The following CIT variants were observed in gnomAD, a reference collection of about 807,000 sequenced individuals.
CIT encodes the protein citron rho-interacting serine/threonine kinase.
A neutral mutation model predicts 272.7 loss-of-function variants in CIT; 79 were observed. That is an observed-to-expected ratio of 0.29 (90% CI 0.24 to 0.35). The LOEUF (loss-of-function observed/expected upper bound fraction) is 0.35, where lower values mean the gene tolerates loss of function less well. CIT is among the 10% of genes least tolerant of loss of function. The probability of loss-of-function intolerance (pLI) is 1.00; values close to 1 mark genes in which losing one functional copy is unlikely to be tolerated. For missense variants in CIT, 1,909 were observed against 2,618.3 expected (o/e 0.73, Z 5.91); for synonymous variants, 948 against 995.6 (o/e 0.95, Z 0.90).
At chr12:119,840,768 A>G (rs559668977) in intron 5 of CIT, among the ~76,000 whole-genome samples, 37 of 152,314 alleles carry the variant, frequency 2.4e-4, no homozygotes, top group African/African-American at 8.4e-4. Flanking sequence ...GAGTTTTGAG[A>G]CATGCCTGAA....
chr12:119,737,641 T>A (rs1958850332), intron 24 of CIT, among the ~76,000 whole-genome samples: 1 of 152,210 alleles, frequency 6.6e-6, no homozygotes, highest in Non-Finnish European at 1.5e-5. Context: ...TCTATTTCCC[T>A]GTTGTCATCC....
At position 119,784,606 on chromosome 12, in the gene CIT, G is replaced by C. The variant is rs1283750899; in HGVS notation, c.1401+354C>G. ...AGTGACATAAGCAGGAGTTTTAAAA[G>C]ACTAGGAAGAGAGACTTCGCATCAC... On this transcript the variant is annotated intron_variant, in intron 11 of 47. Transcript: ENST00000392521. This position sits in a 1 kb window ranked among gnomAD's most constrained non-coding sequence, Gnocchi z 4.7. 8.4e-7 allele frequency: 1 copy of C among 1,188,128 alleles called. No homozygotes were observed. Among genetic ancestry groups the C allele is most frequent in the East Asian group, 5.4e-5 (1 of 18,370 alleles). The allele number at this position is 1,188,128 out of a possible 1,614,324, so 73.6% of individuals were successfully genotyped here.
At chr12:119,764,691 T>C (rs569913829) in intron 19 of CIT, among the ~76,000 whole-genome samples, 5 of 150,910 alleles carry the variant, frequency 3.3e-5, no homozygotes, top group African/African-American at 1.2e-4. Flanking sequence ...AATTTGCAAA[T>C]TGGGAAATAT....
chr12:119,821,738 T>C (rs527821489), intron 9 of CIT, among the ~76,000 whole-genome samples: 2 of 152,294 alleles, frequency 1.3e-5, no homozygotes, highest in East Asian at 1.9e-4. Flanking sequence ...AAAGGAAGAA[T>C]GCCCTGAAAA....
At chr12:119,858,717 G>T (rs1377610828) in intron 3 of CIT, among the ~76,000 whole-genome samples, 8 of 151,988 alleles carry the variant, frequency 5.3e-5, no homozygotes, top group African/African-American at 1.9e-4. Flanking sequence ...AGCTACTTGG[G>T]AGGCTGAGGC....
intron 4 of CIT, among the ~76,000 whole-genome samples, chr12:119,856,042 T>C (rs1308311893): frequency 6.6e-6 from 1 of 152,216 alleles, no homozygotes; most frequent in Non-Finnish European, 1.5e-5. Context: ...CCTGTCACTT[T>C]TCCTTTCTAT....
chr12:119,862,831 AAAAAAAAAAG>A (rs1950389598), intron 3 of CIT, among the ~76,000 whole-genome samples: 1 of 137,898 alleles, frequency 7.3e-6, no homozygotes, highest in African/African-American at 2.9e-5. Context: ...AAAAAAAAAA[AAAAAAAAAAG>A]AAAAAACCAA....
Position 119,701,735 on chromosome 12 carries a change from C to A in CIT, c.5431G>T (p.Asp1811Tyr). 1 of 1,614,212 alleles carries A rather than the reference C, an allele frequency of 6.2e-7. No individual in the cohort carries two copies. Residue 1811 changes from aspartate to tyrosine, a missense_variant, in exon 43 of 48, where the codon GAC becomes TAC. By Grantham distance (160) the Asp-to-Tyr change is radical (BLOSUM62 -3). Around this residue, in one of 8 missense-constraint regions of CIT, gnomAD observed 780 missense variants for 1,067.2 expected, o/e 0.73. Transcript: ENST00000392521. ...YTLEEFLDKNDHSLAPAVFAA... is the reference protein window; with the variant it reads ...YTLEEFLDKNYHSLAPAVFAA... ...AACACAGCAGGTGCCAAGGAATGGT[C>A]ATTCTTATCCAGGAATTCTGTAAAG...
intron 13 of CIT, among the ~76,000 whole-genome samples, chr12:119,780,129 C>T (rs1159046390): frequency 1.3e-5 from 2 of 152,124 alleles, no homozygotes; most frequent in Non-Finnish European, 2.9e-5. Flanking sequence ...CACTCAGAAA[C>T]CATGGAACAC....
intron 23 of CIT, among the ~76,000 whole-genome samples, chr12:119,750,796 G>GAT (rs1032498189): frequency 4.1e-5 from 6 of 145,490 alleles, no homozygotes; most frequent in Admixed American, 1.4e-4. Flanking sequence ...TAGATAGATA[G>GAT]AGATATAGAG....
intron 9 of CIT, among the ~76,000 whole-genome samples, chr12:119,818,183 A>G (rs1967376114): frequency 6.6e-6 from 1 of 152,240 alleles, no homozygotes; most frequent in African/African-American, 2.4e-5. Context: ...TAAAATGGGT[A>G]TAATAATCCT....
At chr12:119,699,256 C>CAAAAAA (rs1181095399) in intron 44 of CIT, among the ~76,000 whole-genome samples, 2 of 51,424 alleles carry the variant, frequency 3.9e-5, no homozygotes, top group Non-Finnish European at 9.7e-5. Flanking sequence ...AAATCCGACT[C>CAAAAAA]AAAAAAAAAA....
In CIT at chr12:119,715,644, C is replaced by T. The variant is rs558545611; in HGVS notation, c.4169-1310G>A. 9.9e-5 allele frequency among the ~76,000 whole-genome samples: 15 copies of T among 152,210 alleles called. No homozygotes were observed. In the South Asian group the frequency reaches 2.9e-3, roughly 29 times the overall value. ...AGGGTTACACAACCCTGTAAACTTA[C>T]TGAAAAAGACTGAATTGTACATTTT... On this transcript the variant is annotated intron_variant, in intron 32 of 47. Transcript: ENST00000392521.
At position 119,713,022 on chromosome 12, in the gene CIT, G is replaced by A. The variant is rs1957250501; in HGVS notation, c.4579+181C>T. The A allele has an allele frequency of 3.1e-6, 2 of 645,644 alleles. No individual in the cohort carries two copies. Among genetic ancestry groups the A allele is most frequent in the Non-Finnish European group, 5.5e-6 (2 of 363,018 alleles). The allele number at this position is 645,644 out of a possible 1,614,324, so 40.0% of individuals were successfully genotyped here. A position where few individuals can be genotyped will look rare whatever the true frequency, so the allele number is the denominator to read the frequency against. On this transcript the variant is annotated intron_variant, in intron 35 of 47. Transcript: ENST00000392521. The surrounding 1 kb of genome is among the most constrained non-coding windows in gnomAD (Gnocchi z 5.2). ...CGCCCTGCGGGTTCTTCAGGGGGGAGACCTATAGATGTGAGTATCGCACCA... is the reference window on the plus strand; with the variant it reads ...CGCCCTGCGGGTTCTTCAGGGGGGAAACCTATAGATGTGAGTATCGCACCA...
chr12:119,799,540 G>A (rs140543889), intron 10 of CIT, among the ~76,000 whole-genome samples: 7 of 152,106 alleles, frequency 4.6e-5, no homozygotes, highest in South Asian at 2.1e-4. Flanking sequence ...AGAACCACCC[G>A]AAAAGAAAGG....
chr12:119,845,943 A>AACACACACACACACAC (rs58381184), intron 5 of CIT, among the ~76,000 whole-genome samples: 124 of 137,040 alleles, frequency 9.0e-4, no homozygotes, highest in African/African-American at 3.3e-3. Flanking sequence ...TCCATCTCAA[A>AACACACACACACACAC]ACACACACAC....
intron 9 of CIT, among the ~76,000 whole-genome samples, chr12:119,816,078 A>G (rs1169477907): frequency 6.6e-6 from 1 of 152,178 alleles, no homozygotes; most frequent in Non-Finnish European, 1.5e-5. Flanking sequence ...GGAAGAATAA[A>G]TGGAACAATA....
intron 9 of CIT, among the ~76,000 whole-genome samples, chr12:119,807,658 C>T (rs1350522884): frequency 6.6e-6 from 1 of 151,948 alleles, no homozygotes; most frequent in Non-Finnish European, 1.5e-5. Context: ...AAAGAGAGCA[C>T]CTAACATAAC....
At chr12:119,793,897 G>C (rs1003378677) in intron 10 of CIT, among the ~76,000 whole-genome samples, 1 of 152,198 alleles carries the variant, frequency 6.6e-6, no homozygotes, top group Non-Finnish European at 1.5e-5. Flanking sequence ...CCCCCATCAT[G>C]TAAGCTCCAT....
Sources: gnomAD v4.1 joint callset for allele counts (sites outside exome capture counted in the v4.1 genomes callset) on GRCh38, gnomAD v4.1.1 for gene constraint, gnomAD v4.1.1 regional missense constraint, Gnocchi (gnomAD v3.1) non-coding constraint, MANE v1.5 for transcripts, NCBI Gene and HGNC (gene_info 2026-07-23, HGNC 2026-07-21) for gene names.